RGSL1: variants seen among roughly 807,000 people sequenced by gnomAD.
RGSL1 encodes regulator of G protein signaling protein-like.
In RGSL1, 97 loss-of-function variants were observed where a neutral mutation model predicts 124.7. The observed-to-expected ratio is 0.78, with a 90% CI of 0.66 to 0.92. The LOEUF (loss-of-function observed/expected upper bound fraction) is 0.92. RGSL1 is among the 40% of genes least tolerant of loss of function. The pLI is 0.00. For synonymous variants in RGSL1, 424 were observed against 438.1 expected, an observed-to-expected ratio of 0.97 and a Z score of 0.40; for missense variants, 1,233 against 1,288.4, an observed-to-expected ratio of 0.96 and a Z score of 0.66.
intron 2 of RGSL1, among the ~76,000 whole-genome samples, chr1:182,454,684 A>G (rs1336657723): frequency 2.6e-5 from 4 of 151,794 alleles, no homozygotes; most frequent in Admixed American, 2.6e-4. Context: ...AGGATTATTT[A>G]TTCTGCTCTA....
Position 182,472,483 on chromosome 1 carries a change from C to G in RGSL1, c.389C>G (p.Ser130Cys). The change falls in exon 5 of 22, where the codon TCC becomes TGC. Residue 130 changes from serine to cysteine, a missense_variant. Transcript: ENST00000294854. ...MDLEVRDYYLSLLLMLRATHL... is the reference protein window; with the variant it reads ...MDLEVRDYYLCLLLMLRATHL... ...CTGGAAGTGAGAGACTACTACCTGTCCCTCCTCCTCATGCTGAGGGCCACT... is the reference window on the plus strand; with the variant it reads ...CTGGAAGTGAGAGACTACTACCTGTGCCTCCTCCTCATGCTGAGGGCCACT... The G allele has an allele frequency of 6.4e-7, 1 of 1,551,064 alleles. No individual in the cohort carries two copies.
Position 182,509,693 on chromosome 1 carries a change from C to T in RGSL1, c.1826-12311C>T, listed in dbSNP as rs571777155. Among the ~76,000 whole-genome samples the T allele has an allele frequency of 3.6e-4, 46 of 128,852 alleles. 1 individual carries two copies. In the South Asian group the frequency reaches 5.9e-3, roughly 16 times the overall value. 84.5% of individuals were successfully genotyped at this position (128,852 alleles called of 152,430 possible). A position where few individuals can be genotyped will look rare whatever the true frequency, so the allele number is the denominator to read the frequency against. Reference sequence around the variant, plus strand: ...CTGAACCCCCCACCTCCCTCCCGGACGGCACGGCTGGCCGGGCGGGGGGCT... The same window carrying T: ...CTGAACCCCCCACCTCCCTCCCGGATGGCACGGCTGGCCGGGCGGGGGGCT... On this transcript the variant is annotated intron_variant, in intron 9 of 21. Coordinates refer to ENST00000294854, the MANE Select transcript of RGSL1 (RefSeq NM_001137669.2).
chr1:182,537,280 GA>G (rs1165956034), intron 14 of RGSL1, among the ~76,000 whole-genome samples: 1 of 151,842 alleles, frequency 6.6e-6, no homozygotes, highest in Non-Finnish European at 1.5e-5. Context: ...TGTCCCCAAG[GA>G]AAAAAATAAA....
At chr1:182,489,280 T>C in intron 8 of RGSL1, 78 bp downstream of exon 8, 1 of 1,269,478 alleles carries the variant, frequency 7.9e-7, no homozygotes, top group South Asian at 1.4e-5. Context: ...TACTAATTAT[T>C]TACTAAGCGT....
chr1:182,513,550 G>C (rs1296864594), intron 9 of RGSL1, among the ~76,000 whole-genome samples: 1 of 152,184 alleles, frequency 6.6e-6, no homozygotes, highest in Non-Finnish European at 1.5e-5. Flanking sequence ...CTTTAGAAGA[G>C]AGATAACTGT....
At chr1:182,452,248 G>T (rs556652555) in intron 1 of RGSL1, among the ~76,000 whole-genome samples, 1 of 151,834 alleles carries the variant, frequency 6.6e-6, no homozygotes, top group East Asian at 1.9e-4. Context: ...AAGGAGAGAA[G>T]CCTGGACTGA....
chr1:182,469,881 A>C (rs1431597460), intron 4 of RGSL1, among the ~76,000 whole-genome samples: 1 of 152,218 alleles, frequency 6.6e-6, no homozygotes, highest in Non-Finnish European at 1.5e-5. Context: ...TCCTGAAGAC[A>C]TGCTAATTGA....
chr1:182,474,476 G>A lies in RGSL1; in HGVS notation c.1365G>A (p.Leu455=), dbSNP rs965988854. ...TCAAATCCCAAACCATTCAGGGCCT[G>A]AAGGAACTATTGCCCTCTGGGGATG... ...LPLKSQTIQG[L]KELLPSGDVI... Residue 455 remains leucine (L), a synonymous_variant, in exon 6 of 22, where the codon CTG becomes CTA. Coordinates refer to ENST00000294854, the MANE Select transcript of RGSL1 (RefSeq NM_001137669.2). 3 of 1,551,810 alleles carry A rather than the reference G, an allele frequency of 1.9e-6. No individual in the cohort carries two copies. Among genetic ancestry groups the A allele is most frequent in the Middle Eastern group, 3.3e-4 (2 of 5,992 alleles).
At chr1:182,531,015 G>A (rs1267195446) in intron 13 of RGSL1, 105 bp downstream of exon 13, 3 of 1,304,154 alleles carry the variant, frequency 2.3e-6, no homozygotes, top group Non-Finnish European at 3.1e-6. Flanking sequence ...CTGAGACTCA[G>A]ATAAATTACT....
chr1:182,459,078 G>C (rs760585470), intron 3 of RGSL1, among the ~76,000 whole-genome samples: 1 of 152,134 alleles, frequency 6.6e-6, no homozygotes, highest in East Asian at 1.9e-4. Context: ...GAATTGACTG[G>C]CAATGTCTGC....
intron 4 of RGSL1, chr1:182,460,564 G>T: frequency 2.3e-6 from 1 of 443,634 alleles, no homozygotes; most frequent in Non-Finnish European, 4.5e-6. Context: ...TTCTTACCTA[G>T]TTAATGAAAT....
At chr1:182,551,660 A>G (rs1296759777) in intron 18 of RGSL1, among the ~76,000 whole-genome samples, 6 of 152,216 alleles carry the variant, frequency 3.9e-5, no homozygotes, top group Admixed American at 3.9e-4. Context: ...GCAGACATAT[A>G]TATGTAAAAC....
At chr1:182,499,151 T>C (rs1282772765) in intron 9 of RGSL1, among the ~76,000 whole-genome samples, 2 of 152,148 alleles carry the variant, frequency 1.3e-5, no homozygotes, top group Non-Finnish European at 2.9e-5. Flanking sequence ...GTATGTTCTG[T>C]TGTTTTGGGG....
At chr1:182,536,656 C>T (rs116180184) in intron 14 of RGSL1, among the ~76,000 whole-genome samples, 4,552 of 152,270 alleles carry the variant, frequency 0.03, 219 homozygotes, top group African/African-American at 0.1. Flanking sequence ...TTAACGGACT[C>T]ACAGTTCCAT....
chr1:182,522,307 A>G (rs1160468865), intron 10 of RGSL1, among the ~76,000 whole-genome samples, 198 bp downstream of exon 10: 2 of 152,240 alleles, frequency 1.3e-5, no homozygotes, highest in Non-Finnish European at 2.9e-5. Flanking sequence ...ATATGTATAT[A>G]TTATACAATA....
intron 9 of RGSL1, among the ~76,000 whole-genome samples, chr1:182,511,724 T>C (rs1481951059): frequency 6.6e-6 from 1 of 152,178 alleles, no homozygotes; most frequent in Non-Finnish European, 1.5e-5. Context: ...GCTTTGGCTA[T>C]TTGGGGGTCT....
intron 14 of RGSL1, among the ~76,000 whole-genome samples, chr1:182,533,896 T>G (rs1659363075): frequency 6.6e-6 from 1 of 151,992 alleles, no homozygotes; most frequent in Non-Finnish European, 1.5e-5. Flanking sequence ...CCAAGTTAGG[T>G]AGGTGGGATG....
At chr1:182,457,565 T>G (rs758369891) in intron 2 of RGSL1, among the ~76,000 whole-genome samples, 36 of 152,268 alleles carry the variant, frequency 2.4e-4, no homozygotes, top group South Asian at 6.2e-4. Flanking sequence ...CTAACAAAAG[T>G]GTGAGGCTGT....
intron 14 of RGSL1, among the ~76,000 whole-genome samples, chr1:182,536,622 C>T (rs1456939600): frequency 6.6e-6 from 1 of 152,110 alleles, no homozygotes; most frequent in Non-Finnish European, 1.5e-5. Context: ...AAGACATACC[C>T]AAGACAGGGA....
Sources: gnomAD v4.1 joint callset for allele counts (sites outside exome capture counted in the v4.1 genomes callset) on GRCh38, gnomAD v4.1.1 for gene constraint, MANE v1.5 for transcripts, NCBI Gene and HGNC (gene_info 2026-07-23, HGNC 2026-07-21) for gene names.